LYPLAL1: variants seen among roughly 807,000 people sequenced by gnomAD.
The protein encoded by LYPLAL1 is lysophospholipase-like protein 1.
LYPLAL1 carries 23 observed loss-of-function variants against 19.7 expected under a neutral mutation model. The observed-to-expected ratio is 1.17, with a 90% CI of 0.84 to 1.65. The LOEUF is 1.65. LYPLAL1 is among the 40% of genes most tolerant of loss of function. LYPLAL1 has a pLI of 0.00. For synonymous variants in LYPLAL1, 119 were observed against 96.3 expected (o/e 1.24, Z -1.38); for missense variants, 355 against 279.4 (o/e 1.27, Z -1.93).
the LYPLAL1 span, among the ~76,000 whole-genome samples, chr1:219,331,230 C>G: frequency 3.9e-5 from 6 of 152,116 alleles, no homozygotes; most frequent in Admixed American, 1.3e-4. Context: ...ATCATGACAA[C>G]CATTGCTTGA....
At chr1:219,438,378 G>A in the LYPLAL1 span, among the ~76,000 whole-genome samples, 1 of 152,116 alleles carries the variant, frequency 6.6e-6, no homozygotes, top group South Asian at 2.1e-4. Flanking sequence ...TTGGGGAAGG[G>A]ATGGAATCCA....
chr1:219,399,376 G>A, the LYPLAL1 span, among the ~76,000 whole-genome samples: 1 of 152,178 alleles, frequency 6.6e-6, no homozygotes, highest in African/African-American at 2.4e-5. Flanking sequence ...CACTGGTGGG[G>A]GTGTGGCTCT....
At chr1:219,347,642 T>A in the LYPLAL1 span, among the ~76,000 whole-genome samples, 2 of 152,214 alleles carry the variant, frequency 1.3e-5, no homozygotes, top group Non-Finnish European at 2.9e-5. Flanking sequence ...CTACAAAATA[T>A]TTGCACAACA....
the LYPLAL1 span, among the ~76,000 whole-genome samples, chr1:219,276,430 A>T: frequency 6.6e-6 from 1 of 152,234 alleles, no homozygotes; most frequent in Non-Finnish European, 1.5e-5. Context: ...TCAAAAATTA[A>T]GATTTATAAG....
intron 3 of LYPLAL1, among the ~76,000 whole-genome samples, chr1:219,202,500 A>T (rs1658195592): frequency 6.6e-6 from 1 of 152,128 alleles, no homozygotes. Context: ...GTATTTTTCT[A>T]CTAGCTTTTA....
At chr1:219,210,020 A>G (rs1381279458) in intron 3 of LYPLAL1, among the ~76,000 whole-genome samples, 1 of 152,144 alleles carries the variant, frequency 6.6e-6, no homozygotes, top group Non-Finnish European at 1.5e-5. Context: ...TTGTAATCCA[A>G]AAATGTGTTA....
the LYPLAL1 span, among the ~76,000 whole-genome samples, chr1:219,408,359 AC>A: frequency 2.4e-4 from 36 of 152,050 alleles, no homozygotes; most frequent in Non-Finnish European, 4.6e-4. Flanking sequence ...TGATGACAGA[AC>A]CCCTTTTAAA....
the LYPLAL1 span, among the ~76,000 whole-genome samples, chr1:219,373,667 A>G: frequency 1.3e-5 from 2 of 152,114 alleles, no homozygotes; most frequent in Admixed American, 6.5e-5. Flanking sequence ...ACTTACATTC[A>G]TGCTTCTGTT....
chr1:219,401,147 T>C, the LYPLAL1 span, among the ~76,000 whole-genome samples: 1 of 152,046 alleles, frequency 6.6e-6, no homozygotes, highest in East Asian at 1.9e-4. Context: ...CAAAAACATT[T>C]TCAATAATTT....
chr1:219,275,396 G>A, the LYPLAL1 span, among the ~76,000 whole-genome samples: 28,194 of 152,072 alleles, frequency 0.19, 2,776 homozygotes, highest in Non-Finnish European at 0.21. Context: ...CTTGTATGGT[G>A]TAGACATGAT....
At chr1:219,440,327 C>T in the LYPLAL1 span, among the ~76,000 whole-genome samples, 1 of 151,974 alleles carries the variant, frequency 6.6e-6, no homozygotes, top group Non-Finnish European at 1.5e-5. Flanking sequence ...CCCACTGAAA[C>T]ATGTCTAAAA....
At chr1:219,219,478 G>A in the LYPLAL1 span, among the ~76,000 whole-genome samples, 1 of 152,334 alleles carries the variant, frequency 6.6e-6, no homozygotes, top group Admixed American at 6.5e-5. Context: ...CACAGGAACA[G>A]GTGACCATGT....
At chr1:219,301,810 G>A in the LYPLAL1 span, among the ~76,000 whole-genome samples, 1 of 151,734 alleles carries the variant, frequency 6.6e-6, no homozygotes, top group Non-Finnish European at 1.5e-5. Context: ...TCTCATTTTT[G>A]ATACCTGATA....
At chr1:219,190,913 A>G (rs1009069039) in intron 2 of LYPLAL1, among the ~76,000 whole-genome samples, 4 of 151,584 alleles carry the variant, frequency 2.6e-5, no homozygotes, top group African/African-American at 9.7e-5. Flanking sequence ...GTGAAGGGGC[A>G]TGATGGAATT....
chr1:219,290,850 A>T, the LYPLAL1 span, among the ~76,000 whole-genome samples: 1 of 152,302 alleles, frequency 6.6e-6, no homozygotes, highest in African/African-American at 2.4e-5. Context: ...CATGCACATT[A>T]CACATGGCAG....
At chr1:219,215,570 A>G (rs1659263343), downstream of LYPLAL1, among the ~76,000 whole-genome samples, 1 of 152,110 alleles carries the variant, frequency 6.6e-6, no homozygotes, top group South Asian at 2.1e-4. Flanking sequence ...GACCATCTCT[A>G]GATCTCAGGA....
the LYPLAL1 span, among the ~76,000 whole-genome samples, chr1:219,381,360 G>A: frequency 2.0e-5 from 3 of 152,142 alleles, no homozygotes; most frequent in African/African-American, 7.2e-5. Flanking sequence ...AAATTACCCA[G>A]TCTCAAGTAG....
At chr1:219,392,656 A>G in the LYPLAL1 span, among the ~76,000 whole-genome samples, 3 of 152,194 alleles carry the variant, frequency 2.0e-5, no homozygotes, top group Non-Finnish European at 4.4e-5. Context: ...TCAGCTGGTT[A>G]TTTTAAACAG....
chr1:219,441,191 G>A, the LYPLAL1 span, among the ~76,000 whole-genome samples: 1 of 152,164 alleles, frequency 6.6e-6, no homozygotes, highest in Non-Finnish European at 1.5e-5. Flanking sequence ...TTTAGTGTAT[G>A]GAACTTATTT....
Sources: allele counts gnomAD v4.1 joint callset (sites outside exome capture counted in the v4.1 genomes callset), GRCh38; gene constraint gnomAD v4.1.1; transcripts MANE v1.5; gene names NCBI Gene and HGNC (gene_info 2026-07-23, HGNC 2026-07-21).